Variants in WWC1 observed in about 807,000 individuals in gnomAD.
WWC1 encodes the protein protein KIBRA.
A neutral mutation model predicts 138.4 loss-of-function variants in WWC1; 55 were observed. The observed-to-expected ratio is 0.40, with a 90% CI of 0.32 to 0.50. The LOEUF (loss-of-function observed/expected upper bound fraction) is 0.50, where lower values mean the gene tolerates loss of function less well. Ranked by LOEUF, WWC1 falls within the 20% of genes least tolerant of loss-of-function variation. The pLI, the probability that WWC1 is intolerant of heterozygous loss-of-function variation, is 0.72. For synonymous variants in WWC1, 524 were observed against 564.9 expected, an observed-to-expected ratio of 0.93 and a Z score of 1.03; for missense variants, 1,226 against 1,420.4, an observed-to-expected ratio of 0.86 and a Z score of 2.20.
chr5:168,433,686 C>T (rs980208104), intron 15 of WWC1, among the ~76,000 whole-genome samples: 1 of 152,132 alleles, frequency 6.6e-6, no homozygotes, highest in Non-Finnish European at 1.5e-5. Context: ...TACAAGCGCC[C>T]ACCACCACAC....
rs1235446747 is a variant in WWC1, at chr5:168,422,067, A to T, written c.1244A>T (p.Gln415Leu). 1 of 1,612,872 alleles carries T rather than the reference A, an allele frequency of 6.2e-7. No individual in the cohort carries two copies. The highest frequency in any genetic ancestry group is 1.7e-5 in the Admixed American group (1 of 59,982). Residue 415 changes from glutamine (Q) to leucine (L), a missense_variant, in exon 10 of 23, where the codon CAG becomes CTG. Gln to Leu is a moderately radical substitution (Grantham distance 113). Transcript: ENST00000265293. ...AGAGAACTGGAGGAAGCCACCCGGC[A>T]GGTGGCAACTCTGCACTCCCAGCTG... The part of the protein sequence containing the change: ...LVRELEEATR[Q>L]VATLHSQLKS...
At chr5:168,405,767 C>T (rs1340373459) in intron 5 of WWC1, among the ~76,000 whole-genome samples, 2 of 146,044 alleles carry the variant, frequency 1.4e-5, no homozygotes, top group African/African-American at 5.1e-5. Context: ...TGTTCTGTCT[C>T]CCAGGCTGGA....
chr5:168,441,564 A>C, intron 15 of WWC1, 118 bp from the exon 16 acceptor site: 1 of 976,164 alleles, frequency 1.0e-6, no homozygotes. Context: ...TCCTGCCGGG[A>C]TGCCTACCTC....
chr5:168,335,921 CCTAAGGGGAGAGGGGAGT>C (rs1773416842), intron 1 of WWC1, among the ~76,000 whole-genome samples: 1 of 152,216 alleles, frequency 6.6e-6, no homozygotes, highest in African/African-American at 2.4e-5. Flanking sequence ...CTTTCCTCCC[CCTAAGGGGAGAGGGGAGT>C]CTGTGTCACT....
intron 1 of WWC1, among the ~76,000 whole-genome samples, chr5:168,357,448 C>CTGTGTGTG (rs67198550): frequency 5.2e-4 from 70 of 134,528 alleles, no homozygotes; most frequent in Non-Finnish European, 6.4e-4. Context: ...AACCTGCCTT[C>CTGTGTGTG]TGTGTGTGTG....
At chr5:168,371,617 C>G in intron 2 of WWC1, 84 bp downstream of exon 2, 2 of 934,458 alleles carry the variant, frequency 2.1e-6, no homozygotes, top group Non-Finnish European at 3.3e-6. Flanking sequence ...TCTGGAAGAA[C>G]CACTTGCAGA....
rs182381771 is a variant in WWC1 at position 168,372,659 on chromosome 5, T to C, written c.229+1126T>C. ...TTAGAGTCAATTGACTACTTAAGAC[T>C]CACAGCTAAAATGTGGCAGGGCTGG... On this transcript the variant is annotated intron_variant, in intron 2 of 22. Coordinates refer to ENST00000265293, the MANE Select transcript of WWC1 (RefSeq NM_015238.3). Among the ~76,000 whole-genome samples the C allele has an allele frequency of 2.3e-3, 345 of 152,330 alleles. 1 individual carries two copies. Among genetic ancestry groups the C allele is most frequent in the South Asian group, 0.012 (56 of 4,828 alleles).
intron 2 of WWC1, among the ~76,000 whole-genome samples, chr5:168,383,627 A>C (rs1245155013): frequency 6.6e-6 from 1 of 152,232 alleles, no homozygotes; most frequent in East Asian, 1.9e-4. Flanking sequence ...TTGTGAACCC[A>C]AGGTGGCCAG....
At chr5:168,343,816 CAA>C (rs35208487) in intron 1 of WWC1, among the ~76,000 whole-genome samples, 83,615 of 135,534 alleles carry the variant, frequency 0.62, 24,619 homozygotes, top group Non-Finnish European at 0.66. Flanking sequence ...GACTATGTCT[CAA>C]AAAAAAAAAA....
chr5:168,342,305 C>T (rs1341667624), intron 1 of WWC1, among the ~76,000 whole-genome samples: 1 of 152,088 alleles, frequency 6.6e-6, no homozygotes, highest in Non-Finnish European at 1.5e-5. Context: ...TGGAGCTGAA[C>T]AGGGTAGGGA....
At chr5:168,399,689 A>G in intron 5 of WWC1, 122 bp downstream of exon 5, 2 of 973,614 alleles carry the variant, frequency 2.1e-6, no homozygotes, top group Non-Finnish European at 3.1e-6. Context: ...CTCTCTCATC[A>G]TTCAATTCAA....
At chr5:168,335,029 T>A (rs962728459) in intron 1 of WWC1, among the ~76,000 whole-genome samples, 1 of 151,996 alleles carries the variant, frequency 6.6e-6, no homozygotes, top group Non-Finnish European at 1.5e-5. Flanking sequence ...TAGCCTTGAT[T>A]TTTTTCCCCT....
Position 168,454,012 on chromosome 5 carries a change from AGGAGGAGGAGGT to A in WWC1, c.2582_2593del (p.Val861_Glu864del), listed in dbSNP as rs747837236. Reference sequence around the variant, plus strand: ...GAGAATGAGGCAGTAGCCGAGGAAGAGGAGGAGGAGGTGGAGGAGGAGGAGGGAGAAGAGGAT... The same window carrying A: ...GAGAATGAGGCAGTAGCCGAGGAAGAGGAGGAGGAGGAGGGAGAAGAGGAT... On this transcript the variant is annotated inframe_deletion, in exon 18 of 23. Coordinates refer to ENST00000265293, the MANE Select transcript of WWC1 (RefSeq NM_015238.3). 5.0e-5 allele frequency: 80 copies of A among 1,588,694 alleles called. No homozygotes were observed. The highest frequency in any genetic ancestry group is 6.6e-5 in the Non-Finnish European group (77 of 1,175,522).
intron 2 of WWC1, 109 bp downstream of exon 2, chr5:168,371,642 T>C (rs1452122003): frequency 4.4e-6 from 3 of 681,312 alleles, no homozygotes; most frequent in East Asian, 2.8e-5. Context: ...TGGAGCCAGA[T>C]TGTATTTTGT....
chr5:168,401,718 A>G (rs1779327359), intron 5 of WWC1, among the ~76,000 whole-genome samples: 1 of 152,188 alleles, frequency 6.6e-6, no homozygotes, highest in African/African-American at 2.4e-5. Context: ...TCTACGTTAT[A>G]TACGTGTTAT....
chr5:168,442,171 C>T (rs1252776633), intron 16 of WWC1, among the ~76,000 whole-genome samples: 1 of 152,104 alleles, frequency 6.6e-6, no homozygotes, highest in Non-Finnish European at 1.5e-5. Flanking sequence ...CTTTCTTGGG[C>T]CCCTACTTTG....
At chr5:168,465,307 G>A (rs1757167460) in intron 21 of WWC1, among the ~76,000 whole-genome samples, 1 of 152,154 alleles carries the variant, frequency 6.6e-6, no homozygotes, top group Non-Finnish European at 1.5e-5. Context: ...CACTTTAAAA[G>A]AGTAACAATA....
intron 10 of WWC1, 115 bp downstream of exon 10, chr5:168,422,212 GT>G: frequency 3.9e-6 from 4 of 1,017,602 alleles, no homozygotes; most frequent in Non-Finnish European, 4.5e-6. Context: ...GAGAGTGGAT[GT>G]TTAGAAGCAT....
intron 18 of WWC1, 115 bp from the exon 19 acceptor site, chr5:168,455,241 G>A: frequency 1.5e-6 from 2 of 1,292,676 alleles, no homozygotes; most frequent in Non-Finnish European, 2.1e-6. Flanking sequence ...AACCCTGGTT[G>A]TGTCTGTGGG....
Sources: gnomAD v4.1 joint callset for allele counts (sites outside exome capture counted in the v4.1 genomes callset) on GRCh38, gnomAD v4.1.1 for gene constraint, MANE v1.5 for transcripts, NCBI Gene and HGNC (gene_info 2026-07-23, HGNC 2026-07-21) for gene names.